The following CCDC25 variants were observed in gnomAD, a reference collection of about 807,000 sequenced individuals.
CCDC25 encodes the protein coiled-coil domain containing 25.
In CCDC25, 16 loss-of-function variants were observed where a neutral mutation model predicts 35.3. The ratio of observed to expected loss-of-function variants is 0.45; its 90% confidence interval spans 0.31 to 0.69. CCDC25 has a LOEUF of 0.69. Among genes scored for constraint, CCDC25 ranks in the 30% least tolerant of loss-of-function variants. The pLI is 0.06. For missense variants in CCDC25, 179 were observed against 250.7 expected, an observed-to-expected ratio of 0.71 and a Z score of 1.93; for synonymous variants, 79 against 80.3, an observed-to-expected ratio of 0.98 and a Z score of 0.09.
chr8:27,741,636 C>T (rs1014993152), intron 7 of CCDC25, among the ~76,000 whole-genome samples: 10 of 152,178 alleles, frequency 6.6e-5, no homozygotes, highest in African/African-American at 2.4e-4. Context: ...TGAGATTGCA[C>T]CACTGCACTC....
chr8:27,759,629 A>C (rs1463316841), intron 3 of CCDC25, among the ~76,000 whole-genome samples: 1 of 116,312 alleles, frequency 8.6e-6, no homozygotes, highest in African/African-American at 3.1e-5. Flanking sequence ...AAAAAAAAAA[A>C]ATTAGCCTGG....
chr8:27,752,736 T>G (rs1424500612), intron 4 of CCDC25, 149 bp from the exon 5 acceptor site: 21 of 508,988 alleles, frequency 4.1e-5, no homozygotes, highest in Non-Finnish European at 4.5e-5. Flanking sequence ...AAAAGTAAAT[T>G]TACTGTGTGC....
At chr8:27,754,578 C>T (rs1240934359) in intron 4 of CCDC25, 1 of 152,298 alleles carries the variant, frequency 6.6e-6, no homozygotes, top group Non-Finnish European at 1.5e-5. Flanking sequence ...GAAGCCTCAG[C>T]CTCCGCCTCC....
chr8:27,750,339 G>A (rs1050552090), intron 5 of CCDC25, among the ~76,000 whole-genome samples: 4 of 152,202 alleles, frequency 2.6e-5, no homozygotes, highest in African/African-American at 9.6e-5. Context: ...CCTTGAACAA[G>A]TTCCTTAATT....
At chr8:27,767,029 T>C (rs576706902) in intron 1 of CCDC25, among the ~76,000 whole-genome samples, 8 of 152,322 alleles carry the variant, frequency 5.3e-5, no homozygotes, top group Admixed American at 3.3e-4. Flanking sequence ...TAGCCTGCTA[T>C]AAAACATACA....
chr8:27,761,250 C>A (rs188796345), intron 3 of CCDC25, among the ~76,000 whole-genome samples: 1 of 152,168 alleles, frequency 6.6e-6, no homozygotes, highest in Non-Finnish European at 1.5e-5. Flanking sequence ...GAGAGAGCTG[C>A]AGCAACAGCC....
intron 5 of CCDC25, among the ~76,000 whole-genome samples, chr8:27,751,018 T>C (rs1393838510): frequency 6.6e-6 from 1 of 152,240 alleles, no homozygotes; most frequent in Admixed American, 6.5e-5. Flanking sequence ...CCCTTGGGCA[T>C]AGGTCCTTAT....
intron 1 of CCDC25, among the ~76,000 whole-genome samples, chr8:27,768,668 A>G (rs1377088064): frequency 6.6e-6 from 1 of 152,176 alleles, no homozygotes; most frequent in Non-Finnish European, 1.5e-5. Flanking sequence ...GGAAAAGTAA[A>G]CTGAATTATT....
At chr8:27,771,135 CACTT>C (rs758466999) in intron 1 of CCDC25, among the ~76,000 whole-genome samples, 3 of 152,180 alleles carry the variant, frequency 2.0e-5, no homozygotes, top group African/African-American at 7.2e-5. Flanking sequence ...TGGTGCAACT[CACTT>C]TTTCTACGTT....
intron 5 of CCDC25, 81 bp from the exon 6 acceptor site, chr8:27,748,679 A>G (rs144207300): frequency 2.7e-4 from 271 of 1,014,968 alleles, no homozygotes; most frequent in Middle Eastern, 2.5e-3. Context: ...AAACTGCCAT[A>G]AGCCAACAAG....
In CCDC25 at chr8:27,742,815, C is replaced by T. The variant is rs1227937279; in HGVS notation, c.552-2298G>A. Among the ~76,000 whole-genome samples the T allele has an allele frequency of 1.3e-5, 2 of 152,064 alleles. 1 individual carries two copies. The highest frequency in any genetic ancestry group is 2.9e-5 in the Non-Finnish European group (2 of 68,006). ...CCGGGAGGTGGAGGTTGCAGTGAGC[C>T]GAGATCGTGCCACTGCACTCCAGCC... On this transcript the variant is annotated intron_variant, in intron 7 of 8. Transcript: ENST00000356537.
chr8:27,755,158 T>C (rs1452793661), intron 4 of CCDC25, among the ~76,000 whole-genome samples: 1 of 152,128 alleles, frequency 6.6e-6, no homozygotes, highest in Non-Finnish European at 1.5e-5. Flanking sequence ...CCATTACCAC[T>C]GAAAAGAACC....
In CCDC25 at chr8:27,767,711, G is replaced by A. The variant is rs115538613; in HGVS notation, c.29-2460C>T. On this transcript the variant is annotated intron_variant, in intron 1 of 8. Transcript: ENST00000356537. ...AATAAAGCCTGTTGATTAGATAATC[G>A]CATTGCTGCAATGTTAATTTCCTAA... 9.2e-3 allele frequency among the ~76,000 whole-genome samples: 1,402 copies of A among 152,284 alleles called. 25 individuals carry two copies. Among genetic ancestry groups the A allele is most frequent in the African/African-American group, 0.032 (1,335 of 41,554 alleles).
At chr8:27,743,271 T>G (rs1432648990) in intron 7 of CCDC25, among the ~76,000 whole-genome samples, 2 of 152,216 alleles carry the variant, frequency 1.3e-5, no homozygotes, top group African/African-American at 4.8e-5. Context: ...GCTCTTAACC[T>G]AGTCACACCC....
Position 27,737,848 on chromosome 8 carries a change from G to A in CCDC25, c.598-1603C>T, listed in dbSNP as rs28460356. ...AACCCAAATGCCCATCAATCAACGA[G>A]TGGATAAAGAAACTGTGGTGTGTGT... On this transcript the variant is annotated intron_variant, in intron 8 of 8. Coordinates refer to ENST00000356537, the MANE Select transcript of CCDC25 (RefSeq NM_018246.3). The surrounding 1 kb of genome is among the most constrained non-coding windows in gnomAD (Gnocchi z 4.6). Among the ~76,000 whole-genome samples, 64,344 of 150,736 alleles carry A rather than the reference G, an allele frequency of 0.43. 14,310 individuals are homozygous for A. Among genetic ancestry groups the A allele is most frequent in the Middle Eastern group, 0.51 (150 of 292 alleles).
At chr8:27,741,046 A>G (rs577823059) in intron 7 of CCDC25, among the ~76,000 whole-genome samples, 1 of 152,344 alleles carries the variant, frequency 6.6e-6, no homozygotes, top group East Asian at 1.9e-4. Flanking sequence ...CAGAGATGGT[A>G]TCTTTAATGA....
At chr8:27,756,088 T>G (rs1002605045) in intron 4 of CCDC25, among the ~76,000 whole-genome samples, 4 of 152,162 alleles carry the variant, frequency 2.6e-5, no homozygotes, top group Non-Finnish European at 4.4e-5. Context: ...GGAAACTAGG[T>G]GAAGGGTAGA....
At chr8:27,756,912 A>G (rs1032552234) in intron 3 of CCDC25, 142 bp from the exon 4 acceptor site, 3 of 634,920 alleles carry the variant, frequency 4.7e-6, no homozygotes, top group African/African-American at 3.7e-5. Context: ...TATAAAGCAC[A>G]GTCACCACCT....
chr8:27,767,559 AAGAC>A (rs745885563), intron 1 of CCDC25, among the ~76,000 whole-genome samples: 1 of 152,188 alleles, frequency 6.6e-6, no homozygotes, highest in Non-Finnish European at 1.5e-5. Flanking sequence ...AATGCCATGA[AAGAC>A]AAAGACTGAG....
Sources: gnomAD v4.1 joint callset for allele counts (sites outside exome capture counted in the v4.1 genomes callset) on GRCh38, gnomAD v4.1.1 for gene constraint, Gnocchi (gnomAD v3.1) non-coding constraint, MANE v1.5 for transcripts, NCBI Gene and HGNC (gene_info 2026-07-23, HGNC 2026-07-21) for gene names.